Variants in TRAPPC9 observed in about 807,000 individuals in gnomAD.
TRAPPC9 encodes the protein IKK2 binding protein.
Under a neutral mutation model 124.0 loss-of-function variants are expected in TRAPPC9, and 83 were observed. The observed-to-expected ratio is 0.67, with a 90% CI of 0.56 to 0.80. The LOEUF is 0.80. Among genes scored for constraint, TRAPPC9 ranks in the 30% least tolerant of loss-of-function variants. The pLI is 0.00. For missense variants in TRAPPC9, 1,302 were observed against 1,508.3 expected, an observed-to-expected ratio of 0.86 and a Z score of 2.27; for synonymous variants, 638 against 617.5, an observed-to-expected ratio of 1.03 and a Z score of -0.49.
chr8:140,115,932 A>C (rs1404223173), intron 17 of TRAPPC9, among the ~76,000 whole-genome samples: 3 of 152,200 alleles, frequency 2.0e-5, no homozygotes, highest in African/African-American at 7.2e-5. Context: ...CCTGGCGCAC[A>C]ACAGGTGCGG....
intron 19 of TRAPPC9, among the ~76,000 whole-genome samples, chr8:139,947,907 T>TAGAGAGAGAGAGAGAGAG (rs59810983): frequency 2.0e-4 from 12 of 60,356 alleles, no homozygotes; most frequent in African/African-American, 5.2e-4. Context: ...TATATATATA[T>TAGAGAGAGAGAGAGAGAG]AGAGAGAGAG....
chr8:139,930,880 C>T (rs1833098025), intron 19 of TRAPPC9, among the ~76,000 whole-genome samples: 2 of 152,162 alleles, frequency 1.3e-5, no homozygotes, highest in Non-Finnish European at 2.9e-5. Flanking sequence ...CTGTTGAGTG[C>T]TCAGTGTACG....
At position 140,391,884 on chromosome 8, in the gene TRAPPC9, G is replaced by A. The variant is rs372264404; in HGVS notation, c.1134+5736C>T. On this transcript the variant is annotated intron_variant, in intron 7 of 22. Coordinates refer to ENST00000438773, the MANE Select transcript of TRAPPC9 (RefSeq NM_001160372.4). ...TCTACCAAAAATACAAAAATTAGCC[G>A]GGTGTGGTGCGGGCACCTGTAATCC... Among the ~76,000 whole-genome samples, 16 of 152,090 alleles carry A rather than the reference G, an allele frequency of 1.1e-4. No individual in the cohort carries two copies. The South Asian group carries it at 2.5e-3, about 24-fold the overall frequency.
intron 9 of TRAPPC9, among the ~76,000 whole-genome samples, chr8:140,313,914 C>CA (rs1321841834): frequency 6.6e-6 from 1 of 152,162 alleles, no homozygotes; most frequent in East Asian, 1.9e-4. Flanking sequence ...TTTCTAGAGT[C>CA]AAACGCTTAT....
chr8:139,796,112 G>A (rs1319572983), intron 21 of TRAPPC9, among the ~76,000 whole-genome samples: 1 of 149,116 alleles, frequency 6.7e-6, no homozygotes, highest in African/African-American at 2.5e-5. Context: ...GGAGGAAGAG[G>A]AGGAGGGAGG....
chr8:139,852,599 A>C (rs1038455519), intron 21 of TRAPPC9, among the ~76,000 whole-genome samples: 1 of 152,238 alleles, frequency 6.6e-6, no homozygotes, highest in African/African-American at 2.4e-5. Flanking sequence ...TCCCAAAGGC[A>C]CTAATGGTGT....
intron 17 of TRAPPC9, among the ~76,000 whole-genome samples, chr8:140,090,223 T>C (rs891396256): frequency 5.9e-5 from 9 of 152,182 alleles, no homozygotes; most frequent in Non-Finnish European, 1.2e-4. Context: ...AGTGTGTCTG[T>C]ATGAATTCAG....
chr8:140,357,647 G>A (rs761701091), intron 9 of TRAPPC9, among the ~76,000 whole-genome samples: 7 of 152,076 alleles, frequency 4.6e-5, no homozygotes, highest in Non-Finnish European at 1.0e-4. Context: ...ACATTCACTC[G>A]AGCAGGTAAC....
chr8:139,898,064 C>T (rs4736112), intron 20 of TRAPPC9, among the ~76,000 whole-genome samples: 3 of 152,098 alleles, frequency 2.0e-5, no homozygotes, highest in East Asian at 1.9e-4. Context: ...GGTGTCAGCT[C>T]GTCCCCTGCC....
intron 17 of TRAPPC9, among the ~76,000 whole-genome samples, chr8:140,069,371 G>A (rs1189300420): frequency 6.6e-6 from 1 of 152,084 alleles, no homozygotes; most frequent in Non-Finnish European, 1.5e-5. Flanking sequence ...GTAAGAATGT[G>A]ATCCACCTTA....
At chr8:139,782,370 G>A (rs370894105) in intron 21 of TRAPPC9, among the ~76,000 whole-genome samples, 3 of 152,104 alleles carry the variant, frequency 2.0e-5, no homozygotes, top group African/African-American at 4.8e-5. Context: ...CAGGGGCCCC[G>A]CTCCCAGAAA....
chr8:140,376,539 A>G (rs1484853472), intron 7 of TRAPPC9, among the ~76,000 whole-genome samples: 4 of 134,024 alleles, frequency 3.0e-5, no homozygotes, highest in Non-Finnish European at 4.7e-5. Flanking sequence ...CTGGGCACAG[A>G]GCAAGACTCC....
intron 2 of TRAPPC9, among the ~76,000 whole-genome samples, chr8:140,443,261 C>T (rs1270196372): frequency 1.3e-5 from 2 of 149,754 alleles, no homozygotes; most frequent in African/African-American, 2.5e-5. Context: ...TGATGAAACC[C>T]CGTCTCTACT....
intron 18 of TRAPPC9, among the ~76,000 whole-genome samples, chr8:140,013,618 T>TG (rs1839274137): frequency 6.6e-6 from 1 of 152,174 alleles, no homozygotes; most frequent in African/African-American, 2.4e-5. Flanking sequence ...CTGAGGTCAG[T>TG]GATGTCCTTC....
intron 9 of TRAPPC9, among the ~76,000 whole-genome samples, chr8:140,327,250 A>AG (rs1298476778): frequency 6.6e-6 from 1 of 152,110 alleles, no homozygotes; most frequent in East Asian, 1.9e-4. Flanking sequence ...ATCTAAAAAA[A>AG]AAGACAAGAC....
At chr8:140,396,599 C>A (rs371659130) in intron 7 of TRAPPC9, among the ~76,000 whole-genome samples, 4 of 151,688 alleles carry the variant, frequency 2.6e-5, no homozygotes, top group Non-Finnish European at 5.9e-5. Context: ...TCTTTCTACC[C>A]CCACCGCCAT....
intron 21 of TRAPPC9, among the ~76,000 whole-genome samples, chr8:139,842,560 T>C (rs1290759618): frequency 6.6e-6 from 1 of 151,958 alleles, no homozygotes; most frequent in African/African-American, 2.4e-5. Context: ...TCATCACATT[T>C]GTAAATTGAA....
At chr8:140,344,508 C>G (rs1282100175) in intron 9 of TRAPPC9, among the ~76,000 whole-genome samples, 1 of 152,150 alleles carries the variant, frequency 6.6e-6, no homozygotes, top group East Asian at 1.9e-4. Flanking sequence ...CGCCTGCCCT[C>G]AAGGAGCCTC....
intron 9 of TRAPPC9, among the ~76,000 whole-genome samples, chr8:140,326,433 T>C (rs2066740135): frequency 6.6e-6 from 1 of 152,104 alleles, no homozygotes; most frequent in Admixed American, 6.6e-5. Flanking sequence ...AGAAATGCTT[T>C]ACATCCCCCC....
Sources: allele counts gnomAD v4.1 joint callset (sites outside exome capture counted in the v4.1 genomes callset), GRCh38; gene constraint gnomAD v4.1.1; transcripts MANE v1.5; gene names NCBI Gene and HGNC (gene_info 2026-07-23, HGNC 2026-07-21).